NRG3: variants seen among roughly 807,000 people sequenced by gnomAD.
The protein encoded by NRG3 is pro-neuregulin-3, membrane-bound isoform.
In NRG3, 31 loss-of-function variants were observed where a neutral mutation model predicts 66.9. The observed-to-expected ratio is 0.46, with a 90% CI of 0.35 to 0.63. NRG3 has a LOEUF of 0.63. Ranked by LOEUF, NRG3 falls within the 20% of genes least tolerant of loss-of-function variation. NRG3 has a pLI of 0.00. For missense variants in NRG3, 910 were observed against 878.9 expected (o/e 1.04, Z -0.45); for synonymous variants, 393 against 359.4 (o/e 1.09, Z -1.06).
chr10:82,614,138 T>G (rs936558822), intron 2 of NRG3, among the ~76,000 whole-genome samples: 1 of 152,090 alleles, frequency 6.6e-6, no homozygotes, highest in Non-Finnish European at 1.5e-5. Flanking sequence ...GACCTTGTGA[T>G]CCGCCTGCCT....
At chr10:82,699,004 T>A (rs761953899) in intron 2 of NRG3, among the ~76,000 whole-genome samples, 5 of 152,176 alleles carry the variant, frequency 3.3e-5, no homozygotes, top group Non-Finnish European at 7.3e-5. Flanking sequence ...GTTGACCATA[T>A]AACCTTGTAA....
intron 1 of NRG3, among the ~76,000 whole-genome samples, chr10:81,899,934 A>G (rs1003827262): frequency 5.3e-5 from 8 of 151,740 alleles, no homozygotes; most frequent in Non-Finnish European, 1.0e-4. Flanking sequence ...GTGTGTTTAC[A>G]TATTTTAAAC....
chr10:82,063,869 A>G (rs776700309), intron 1 of NRG3, among the ~76,000 whole-genome samples: 2 of 152,268 alleles, frequency 1.3e-5, no homozygotes, highest in South Asian at 2.1e-4. Context: ...ACATCATGGA[A>G]ATTTTACTTC....
intron 2 of NRG3, among the ~76,000 whole-genome samples, chr10:82,488,484 A>C (rs1031617074): frequency 2.0e-5 from 3 of 152,246 alleles, no homozygotes; most frequent in African/African-American, 7.2e-5. Context: ...TGTTTTTATC[A>C]CACAGCTCTC....
At chr10:81,898,069 G>A (rs1843686102) in intron 1 of NRG3, among the ~76,000 whole-genome samples, 1 of 152,184 alleles carries the variant, frequency 6.6e-6, no homozygotes, top group Admixed American at 6.5e-5. Context: ...CTAACATGTG[G>A]CCAGGGTTGT....
At chr10:82,742,164 A>G (rs1026261784) in intron 3 of NRG3, among the ~76,000 whole-genome samples, 4 of 152,104 alleles carry the variant, frequency 2.6e-5, no homozygotes, top group Non-Finnish European at 5.9e-5. Flanking sequence ...TGAAATCCCT[A>G]TTAGCAGGGG....
rs1278094300 is a variant in NRG3, at chr10:82,125,798, G to A, written c.824-232941G>A. Among the ~76,000 whole-genome samples, 3 of 151,816 alleles carry A rather than the reference G, an allele frequency of 2.0e-5. No individual in the cohort carries two copies. The East Asian group carries it at 5.8e-4, about 29-fold the overall frequency. ...ACCATGCTTATATATTCTGAATACT[G>A]CCCAGATTTGTGTAATTTTCTTTAT... On this transcript the variant is annotated intron_variant, in intron 1 of 8. Coordinates refer to ENST00000372141, the MANE Select transcript of NRG3 (RefSeq NM_001010848.4).
At chr10:82,807,151 T>C (rs1314653793) in intron 3 of NRG3, among the ~76,000 whole-genome samples, 1 of 152,190 alleles carries the variant, frequency 6.6e-6, no homozygotes, top group Non-Finnish European at 1.5e-5. Context: ...ACAATTTCTT[T>C]CCCTCTAATC....
Position 82,978,931 on chromosome 10 carries a change from T to G in NRG3, c.1413-19T>G, listed in dbSNP as rs779715586. On this transcript the variant is annotated intron_variant, in intron 7 of 8. Coordinates refer to ENST00000372141, the MANE Select transcript of NRG3 (RefSeq NM_001010848.4). ...GTCTTTTGTTTGTTTGTTTGTCTGT[T>G]TTCATTCCACCCCAGCAGGAGTCTA... The G allele has an allele frequency of 6.2e-7, 1 of 1,610,694 alleles. No homozygotes were observed. The highest frequency in any genetic ancestry group is 8.5e-7 in the Non-Finnish European group (1 of 1,177,890).
At chr10:82,183,512 A>G (rs2073578263) in intron 1 of NRG3, among the ~76,000 whole-genome samples, 2 of 152,024 alleles carry the variant, frequency 1.3e-5, no homozygotes, top group African/African-American at 4.8e-5. Flanking sequence ...TATATCTTCT[A>G]TATTTTTGTC....
intron 1 of NRG3, among the ~76,000 whole-genome samples, chr10:82,200,087 G>A (rs1429459665): frequency 6.6e-6 from 1 of 152,040 alleles, no homozygotes; most frequent in South Asian, 2.1e-4. Flanking sequence ...AATTTTTATT[G>A]AGCACCTCCT....
intron 1 of NRG3, among the ~76,000 whole-genome samples, chr10:82,120,554 G>A (rs2068021409): frequency 6.6e-6 from 1 of 152,008 alleles, no homozygotes; most frequent in African/African-American, 2.4e-5. Flanking sequence ...TTTTTTCAGG[G>A]AATCACATAA....
At chr10:82,540,173 T>C (rs1431076420) in intron 2 of NRG3, among the ~76,000 whole-genome samples, 1 of 152,110 alleles carries the variant, frequency 6.6e-6, no homozygotes, top group Non-Finnish European at 1.5e-5. Context: ...CTGTAATTAA[T>C]AATCTTTTGT....
intron 1 of NRG3, among the ~76,000 whole-genome samples, chr10:82,255,901 G>T (rs1238921906): frequency 6.6e-6 from 1 of 151,608 alleles, no homozygotes; most frequent in Non-Finnish European, 1.5e-5. Flanking sequence ...ACCACACCTG[G>T]TCAATTTTTC....
At chr10:82,889,451 A>C (rs1299480265) in intron 4 of NRG3, among the ~76,000 whole-genome samples, 1 of 152,222 alleles carries the variant, frequency 6.6e-6, no homozygotes, top group Non-Finnish European at 1.5e-5. Context: ...ATTTTTAGGC[A>C]TAATAATATC....
At chr10:82,018,841 A>G (rs2061916882) in intron 1 of NRG3, among the ~76,000 whole-genome samples, 2 of 152,128 alleles carry the variant, frequency 1.3e-5, no homozygotes, top group South Asian at 4.1e-4. Flanking sequence ...TTGGGCTGAG[A>G]CGATGGGGTT....
chr10:82,318,751 T>G (rs1325839683), intron 1 of NRG3, among the ~76,000 whole-genome samples: 3 of 152,204 alleles, frequency 2.0e-5, no homozygotes, highest in Non-Finnish European at 4.4e-5. Context: ...CAGAACATGC[T>G]GTATTGTAGC....
At chr10:82,018,322 G>A (rs573032967) in intron 1 of NRG3, among the ~76,000 whole-genome samples, 1 of 152,134 alleles carries the variant, frequency 6.6e-6, no homozygotes, top group Non-Finnish European at 1.5e-5. Context: ...GTACCATGCT[G>A]TTTTGGTTAC....
chr10:82,887,595 A>G (rs1842831680), intron 4 of NRG3, among the ~76,000 whole-genome samples: 1 of 152,250 alleles, frequency 6.6e-6, no homozygotes, highest in Non-Finnish European at 1.5e-5. Context: ...TGTGCAGTTT[A>G]TATTTATAGC....
Sources: gnomAD v4.1 joint callset for allele counts (sites outside exome capture counted in the v4.1 genomes callset) on GRCh38, gnomAD v4.1.1 for gene constraint, MANE v1.5 for transcripts, NCBI Gene and HGNC (gene_info 2026-07-23, HGNC 2026-07-21) for gene names.